The following CNKSR3 variants were observed in gnomAD, a reference collection of about 807,000 sequenced individuals.
CNKSR3 encodes the protein CNKSR family member 3, also known as connector enhancer of kinase suppressor of ras 3.
Under a neutral mutation model 67.7 loss-of-function variants are expected in CNKSR3, and 36 were observed. The observed-to-expected ratio is 0.53, with a 90% CI of 0.41 to 0.70. The LOEUF (loss-of-function observed/expected upper bound fraction) is 0.70, where lower values mean the gene tolerates loss of function less well. Among genes scored for constraint, CNKSR3 ranks in the 30% least tolerant of loss-of-function variants. CNKSR3 has a pLI of 0.00. For missense variants in CNKSR3, 630 were observed against 695.2 expected, an observed-to-expected ratio of 0.91 and a Z score of 1.05; for synonymous variants, 281 against 271.4, an observed-to-expected ratio of 1.04 and a Z score of -0.35.
intron 1 of CNKSR3, among the ~76,000 whole-genome samples, chr6:154,459,271 C>T (rs922389553): frequency 1.3e-5 from 2 of 151,934 alleles, no homozygotes; most frequent in African/African-American, 4.8e-5. Flanking sequence ...ACTGCTGCTC[C>T]CTTGGAAGCA....
intron 1 of CNKSR3, among the ~76,000 whole-genome samples, chr6:154,482,646 G>C (rs1280415151): frequency 6.6e-6 from 1 of 152,138 alleles, no homozygotes; most frequent in African/African-American, 2.4e-5. Flanking sequence ...GAATAAACAT[G>C]TATGCAAATG....
At chr6:154,421,395 T>C (rs1706830809) in intron 9 of CNKSR3, among the ~76,000 whole-genome samples, 1 of 152,234 alleles carries the variant, frequency 6.6e-6, no homozygotes, top group Admixed American at 6.5e-5. Flanking sequence ...TCAAAGTTGA[T>C]GGTTTAAGAC....
chr6:154,438,447 T>G (rs752517319), intron 4 of CNKSR3, among the ~76,000 whole-genome samples: 22 of 150,612 alleles, frequency 1.5e-4, no homozygotes, highest in Non-Finnish European at 3.1e-4. Context: ...CATACCACAC[T>G]TTTTTTTTGC....
At chr6:154,464,474 T>C (rs1465568994) in intron 1 of CNKSR3, among the ~76,000 whole-genome samples, 1 of 152,140 alleles carries the variant, frequency 6.6e-6, no homozygotes, top group East Asian at 1.9e-4. Flanking sequence ...CCCAGCCCTT[T>C]GGGAGGCCGA....
rs993842582 is a variant in CNKSR3 at position 154,403,808 on chromosome 6, C to T, written c.*2546G>A. On this transcript the variant is annotated 3_prime_UTR_variant, in exon 13 of 13. Transcript: ENST00000607772. ...TAATGAAGACTGACTGCCGAATATT[C>T]ACTTAAAGGATGGCTGTTCAATTCA... 6.6e-6 allele frequency: 1 copy of T among 152,156 alleles called. No homozygotes were observed. The highest frequency in any genetic ancestry group is 2.1e-4 in the South Asian group (1 of 4,834). The allele number at this position is 152,156 out of a possible 1,614,324, so 9.4% of individuals were successfully genotyped here.
chr6:154,411,345 A>G (rs750688868), intron 10 of CNKSR3, among the ~76,000 whole-genome samples: 1 of 152,172 alleles, frequency 6.6e-6, no homozygotes. Flanking sequence ...CCATGACGTG[A>G]TGAAATAAGA....
chr6:154,498,927 C>T (rs909223884), intron 1 of CNKSR3, among the ~76,000 whole-genome samples: 3 of 152,168 alleles, frequency 2.0e-5, no homozygotes, highest in Admixed American at 6.5e-5. Context: ...ACTATTTTCT[C>T]GCAATGGAGG....
chr6:154,452,126 G>A (rs1443451091), intron 1 of CNKSR3, among the ~76,000 whole-genome samples: 1 of 152,178 alleles, frequency 6.6e-6, no homozygotes, highest in East Asian at 1.9e-4. Flanking sequence ...TTGAAGGACA[G>A]CCTCCTAACT....
At chr6:154,491,093 C>T (rs1401423235) in intron 1 of CNKSR3, among the ~76,000 whole-genome samples, 1 of 152,084 alleles carries the variant, frequency 6.6e-6, no homozygotes, top group East Asian at 1.9e-4. Context: ...GTGATCCGCC[C>T]ACCTCGGCCT....
At chr6:154,438,358 A>T (rs907345620) in intron 4 of CNKSR3, among the ~76,000 whole-genome samples, 1 of 152,096 alleles carries the variant, frequency 6.6e-6, no homozygotes, top group Non-Finnish European at 1.5e-5. Flanking sequence ...TTTGTATAGG[A>T]TGATGCGTGT....
intron 5 of CNKSR3, among the ~76,000 whole-genome samples, chr6:154,432,939 G>A (rs1785398927): frequency 6.6e-6 from 1 of 152,170 alleles, no homozygotes; most frequent in Admixed American, 6.5e-5. Flanking sequence ...CCTATTTATG[G>A]AAAATATATT....
chr6:154,462,369 T>C (rs1007550204), intron 1 of CNKSR3, among the ~76,000 whole-genome samples: 6 of 152,106 alleles, frequency 3.9e-5, no homozygotes, highest in Non-Finnish European at 2.9e-5. Context: ...GCCTGGATGT[T>C]TCACATAATG....
chr6:154,472,075 C>T (rs1348740122), intron 1 of CNKSR3, among the ~76,000 whole-genome samples: 1 of 152,144 alleles, frequency 6.6e-6, no homozygotes, highest in Non-Finnish European at 1.5e-5. Flanking sequence ...AAATAAAGAG[C>T]ACCTGCCCTG....
At chr6:154,464,504 C>A (rs1786150875) in intron 1 of CNKSR3, among the ~76,000 whole-genome samples, 1 of 152,018 alleles carries the variant, frequency 6.6e-6, no homozygotes. Flanking sequence ...AACATGAGGT[C>A]AGGAGATCGA....
At position 154,411,566 on chromosome 6, in the gene CNKSR3, G is replaced by A. The variant is rs188043929; in HGVS notation, c.1071-424C>T. Among the ~76,000 whole-genome samples, 584 of 150,180 alleles carry A rather than the reference G, an allele frequency of 3.9e-3. 6 individuals carry two copies. Among genetic ancestry groups the A allele is most frequent in the South Asian group, 0.024 (112 of 4,738 alleles). On this transcript the variant is annotated intron_variant, in intron 10 of 12. Coordinates refer to ENST00000607772, the MANE Select transcript of CNKSR3 (RefSeq NM_173515.4). ...GGAGAAGTGCTTGAACCCAGGAGGC[G>A]GAGGTTACAGTGAGCTGAGATCATG...
chr6:154,488,829 T>G lies in CNKSR3; in HGVS notation c.52+21234A>C, dbSNP rs1786727842. 2.0e-5 allele frequency among the ~76,000 whole-genome samples: 3 copies of G among 152,336 alleles called. No individual in the cohort carries two copies. The South Asian group carries it at 6.2e-4, about 32-fold the overall frequency. On this transcript the variant is annotated intron_variant, in intron 1 of 12. Coordinates refer to ENST00000607772, the MANE Select transcript of CNKSR3 (RefSeq NM_173515.4). ...ATTGGGACTTTTTTAAAAAGGTAAC[T>G]ATTAAAAACTTAAAATGTACCTTGT...
chr6:154,474,379 C>T (rs1408366078), intron 1 of CNKSR3, among the ~76,000 whole-genome samples: 3 of 150,172 alleles, frequency 2.0e-5, no homozygotes, highest in Non-Finnish European at 4.4e-5. Context: ...CACCACTGCA[C>T]TCCAGCCCGG....
intron 1 of CNKSR3, among the ~76,000 whole-genome samples, chr6:154,491,195 C>T (rs559882732): frequency 7.9e-5 from 12 of 152,268 alleles, no homozygotes; most frequent in South Asian, 2.1e-4. Flanking sequence ...TCTCTTGTGG[C>T]GCCCATTCAT....
At chr6:154,421,015 G>C (rs1785132941) in intron 9 of CNKSR3, among the ~76,000 whole-genome samples, 1 of 151,974 alleles carries the variant, frequency 6.6e-6, no homozygotes, top group Non-Finnish European at 1.5e-5. Context: ...TTGTTGGTTG[G>C]TTTTTGTTTT....
Sources: gnomAD v4.1 joint callset for allele counts (sites outside exome capture counted in the v4.1 genomes callset) on GRCh38, gnomAD v4.1.1 for gene constraint, MANE v1.5 for transcripts, NCBI Gene and HGNC (gene_info 2026-07-23, HGNC 2026-07-21) for gene names.